Variants in AARS1 observed in about 807,000 individuals in gnomAD.
AARS1 encodes the protein alanyl-tRNA synthetase 1, also known as alanine--tRNA ligase, cytoplasmic.
AARS1 carries 72 observed loss-of-function variants against 108.9 expected under a neutral mutation model. The ratio of observed to expected loss-of-function variants is 0.66; its 90% CI spans 0.55 to 0.80. The LOEUF (loss-of-function observed/expected upper bound fraction) is 0.80, where lower values mean the gene tolerates loss of function less well. Among genes scored for constraint, AARS1 ranks in the 30% least tolerant of loss-of-function variants. The pLI is 0.00. For synonymous variants in AARS1, 489 were observed against 465.7 expected (o/e 1.05, Z -0.64); for missense variants, 1,193 against 1,233.2 (o/e 0.97, Z 0.49).
intron 17 of AARS1, chr16:70,254,241 G>A (rs1272523342): frequency 4.4e-6 from 3 of 688,154 alleles, no homozygotes; most frequent in Non-Finnish European, 7.5e-6. Context: ...AGAAAGCTGG[G>A]CTCCCAAATC....
At chr16:70,275,780 T>C (rs965223693) in intron 4 of AARS1, among the ~76,000 whole-genome samples, 2 of 138,646 alleles carry the variant, frequency 1.4e-5, no homozygotes, top group African/African-American at 5.5e-5. Flanking sequence ...AACAAAAATA[T>C]ATATATATTA....
At chr16:70,283,334 T>C (rs1232890870) in intron 1 of AARS1, among the ~76,000 whole-genome samples, 1 of 150,230 alleles carries the variant, frequency 6.7e-6, no homozygotes, top group Non-Finnish European at 1.5e-5. Context: ...GAGGTGGAGG[T>C]TGCAGTGAGC....
chr16:70,260,785 C>G (rs1960113400), intron 13 of AARS1, among the ~76,000 whole-genome samples: 2 of 152,118 alleles, frequency 1.3e-5, no homozygotes, highest in African/African-American at 4.8e-5. Context: ...GCCTCAGCCT[C>G]CCGAGTAGCT....
chr16:70,267,299 C>T (rs542352319), intron 9 of AARS1, among the ~76,000 whole-genome samples: 3 of 152,286 alleles, frequency 2.0e-5, no homozygotes, highest in East Asian at 3.9e-4. Context: ...AATATTCCCA[C>T]TTTTGCTTGA....
rs1171754145 is a variant in AARS1, at chr16:70,270,919, CG to C, written c.672-580del. ...ATACCAGCATTTTGGGAGGCCGAGG[CG>C]GGGGAATCACTTGAGGTCAGGAGTT... On this transcript the variant is annotated intron_variant, in intron 5 of 20. Transcript: ENST00000261772. Among the ~76,000 whole-genome samples, 12 of 150,082 alleles carry C rather than the reference CG, an allele frequency of 8.0e-5. No homozygotes were observed. The East Asian group carries it at 2.4e-3, about 30-fold the overall frequency.
Position 70,282,794 on chromosome 16 carries a change from GA to G in AARS1, c.-21-11del, listed in dbSNP as rs756492963. 33 of 1,592,212 alleles carry G rather than the reference GA, an allele frequency of 2.1e-5. No homozygotes were observed. The highest frequency in any genetic ancestry group is 1.6e-4 in the Admixed American group (9 of 57,822). ...AAGTCACCCCAAAGAACTAATCAAA[GA>G]AAAAAAAATGAAGGAAAATTAAGGG... is the stretch of plus-strand genomic sequence containing the variant. On this transcript the variant is annotated splice_polypyrimidine_tract_variant and intron_variant, in intron 1 of 20. Coordinates refer to ENST00000261772, the MANE Select transcript of AARS1 (RefSeq NM_001605.3).
At chr16:70,255,642 G>A (rs1376508809) in intron 16 of AARS1, 86 bp downstream of exon 16, 8 of 1,184,394 alleles carry the variant, frequency 6.8e-6, no homozygotes, top group East Asian at 2.4e-5. Flanking sequence ...CAGCAGCCAC[G>A]CAGAGCAGTG....
chr16:70,256,244 C>A lies in AARS1; in HGVS notation c.2178-408G>T, dbSNP rs1959987943. On this transcript the variant is annotated intron_variant, in intron 15 of 20. Transcript: ENST00000261772. ...AACCCCTTAAACAGGCTTTATTTCT[C>A]AGTTCAGAGAACCTCAAATGTTCAT... 2.0e-5 allele frequency among the ~76,000 whole-genome samples: 3 copies of A among 152,170 alleles called. No individual in the cohort carries two copies. The South Asian group carries it at 6.2e-4, about 31-fold the overall frequency.
chr16:70,271,213 G>T (rs1057447249), intron 5 of AARS1, among the ~76,000 whole-genome samples: 1 of 151,172 alleles, frequency 6.6e-6, no homozygotes, highest in African/African-American at 2.4e-5. Context: ...ACTGAGGCAA[G>T]CTTCAAGGAA....
rs7186104 is a variant in AARS1, at chr16:70,258,841, T to C, written c.1992+139A>G. 0.82 allele frequency: 820,819 copies of C among 1,003,862 alleles called. 337,316 individuals carry two copies. Among genetic ancestry groups the C allele is most frequent in the African/African-American group, 0.97 (61,258 of 63,466 alleles). 62.2% of individuals were successfully genotyped at this position (1,003,862 alleles called of 1,614,324 possible). A position where few individuals can be genotyped will look rare whatever the true frequency, so the allele number is the denominator to read the frequency against. On this transcript the variant is annotated intron_variant, in intron 14 of 20. Transcript: ENST00000261772. ...AAGTGCTGGGATTACAGGCGTGAGC[T>C]ACCGTGCCCAGCCTGCTTTAAGCAA...
At chr16:70,289,386 T>G in intron 1 of AARS1, 35 bp downstream of exon 1, 1 of 367,020 alleles carries the variant, frequency 2.7e-6, no homozygotes, top group East Asian at 7.3e-5. Flanking sequence ...CCAGCCGCTC[T>G]CCTAGCACCG....
intron 4 of AARS1, among the ~76,000 whole-genome samples, chr16:70,274,796 A>C (rs1244018590): frequency 8.5e-5 from 13 of 152,114 alleles, no homozygotes. Flanking sequence ...TTACAGAACT[A>C]TGAACAAGGC....
At chr16:70,268,694 G>A (rs961605543) in intron 7 of AARS1, among the ~76,000 whole-genome samples, 1 of 152,144 alleles carries the variant, frequency 6.6e-6, no homozygotes, top group Non-Finnish European at 1.5e-5. Context: ...CAGTAAGAGA[G>A]ATTCCCAGGG....
At position 70,258,051 on chromosome 16, in the gene AARS1, A is replaced by G. The variant is rs759539939; in HGVS notation, c.2159T>C (p.Val720Ala). The change falls in exon 15 of 21, where the codon GTT becomes GCT. Residue 720 changes from valine to alanine, a missense_variant. Coordinates refer to ENST00000261772, the MANE Select transcript of AARS1 (RefSeq NM_001605.3). ...PSGPAGSLTS[V>A]EFCGGTHLRN... ...TACTCACGTTCCCCCACAGAACTCA[A>G]CAGAAGTCAGGGAGCCAGCAGGCCC... is the stretch of plus-strand genomic sequence containing the variant. The G allele has an allele frequency of 6.2e-7, 1 of 1,614,132 alleles. No individual in the cohort carries two copies. Among genetic ancestry groups the G allele is most frequent in the South Asian group, 1.1e-5 (1 of 91,074 alleles).
Position 70,272,034 on chromosome 16 carries a change from C to T in AARS1, c.480-62G>A, listed in dbSNP as rs1960419029. The T allele has an allele frequency of 4.0e-6, 6 of 1,502,352 alleles. No homozygotes were observed. The South Asian group carries it at 6.8e-5, about 17-fold the overall frequency. The allele number at this position is 1,502,352 out of a possible 1,614,324, so 93.1% of individuals were successfully genotyped here. A position where few individuals can be genotyped will look rare whatever the true frequency, so the allele number is the denominator to read the frequency against. On this transcript the variant is annotated intron_variant, in intron 4 of 20. Transcript: ENST00000261772. The stretch of plus-strand genomic sequence containing the variant: ...CTGACAAGAGTTCTGCCCAGACTTG[C>T]AACCACCGCAAAAGAAATTCTTAGG...
At chr16:70,266,913 T>C (rs891446887) in intron 9 of AARS1, among the ~76,000 whole-genome samples, 9 of 152,162 alleles carry the variant, frequency 5.9e-5, no homozygotes, top group African/African-American at 2.2e-4. Flanking sequence ...TTTGGCTCAA[T>C]GCAACCTCCG....
intron 15 of AARS1, 23 bp from the exon 16 acceptor site, chr16:70,255,859 C>T (rs764202697): frequency 6.2e-7 from 1 of 1,605,058 alleles, no homozygotes; most frequent in Non-Finnish European, 8.5e-7. Context: ...ACACAAAGTC[C>T]ATAGTGAAAG....
At chr16:70,278,809 A>C (rs1371006291) in intron 2 of AARS1, among the ~76,000 whole-genome samples, 1 of 152,062 alleles carries the variant, frequency 6.6e-6, no homozygotes, top group African/African-American at 2.4e-5. Context: ...TGGGGGAAAA[A>C]AAAAAGGCAA....
chr16:70,269,427 C>T (rs537011763), intron 7 of AARS1, among the ~76,000 whole-genome samples, 191 bp downstream of exon 7: 3 of 147,038 alleles, frequency 2.0e-5, no homozygotes, highest in East Asian at 4.2e-4. Context: ...ATCCCAGCTA[C>T]GTGGGAGGCT....
Sources: allele counts gnomAD v4.1 joint callset (sites outside exome capture counted in the v4.1 genomes callset), GRCh38; gene constraint gnomAD v4.1.1; transcripts MANE v1.5; gene names NCBI Gene and HGNC (gene_info 2026-07-23, HGNC 2026-07-21).